The following VPS13B variants were observed in gnomAD, a reference collection of about 807,000 sequenced individuals.
VPS13B encodes vacuolar protein sorting 13 homolog B, also known as intermembrane lipid transfer protein VPS13B.
A neutral mutation model predicts 426.4 loss-of-function variants in VPS13B; 285 were observed. The observed-to-expected ratio is 0.67, with a 90% confidence interval of 0.61 to 0.74. VPS13B has a LOEUF of 0.74. Ranked by LOEUF, VPS13B falls within the 30% of genes least tolerant of loss-of-function variation. The probability of loss-of-function intolerance (pLI) is 0.00; values close to 1 mark genes in which losing one functional copy is unlikely to be tolerated. For synonymous variants in VPS13B, 1,676 were observed against 1,676.4 expected (o/e 1.00, Z 0.01); for missense variants, 4,537 against 4,782.6 (o/e 0.95, Z 1.51).
intron 3 of VPS13B, among the ~76,000 whole-genome samples, chr8:99,070,100 G>C (rs1390555832): frequency 6.6e-6 from 1 of 152,098 alleles, no homozygotes; most frequent in Non-Finnish European, 1.5e-5. Context: ...TTTTGGTAGA[G>C]ACTAATTCTC....
At chr8:99,480,983 A>T (rs762522777) in intron 24 of VPS13B, among the ~76,000 whole-genome samples, 26 of 152,140 alleles carry the variant, frequency 1.7e-4, no homozygotes, top group Non-Finnish European at 3.2e-4. Flanking sequence ...TTGTGTAAAT[A>T]TCTTAGGACT....
At chr8:99,184,731 CT>C (rs1322419084) in intron 16 of VPS13B, among the ~76,000 whole-genome samples, 4 of 152,176 alleles carry the variant, frequency 2.6e-5, no homozygotes, top group Admixed American at 2.6e-4. Flanking sequence ...TGGCTCACAC[CT>C]GTAATCCTAG....
At chr8:99,555,856 G>A (rs1824534336) in intron 30 of VPS13B, among the ~76,000 whole-genome samples, 1 of 152,100 alleles carries the variant, frequency 6.6e-6, no homozygotes, top group Non-Finnish European at 1.5e-5. Context: ...CAGAAACCTT[G>A]TCATTTCTCA....
chr8:99,451,295 T>G (rs1480784531), intron 23 of VPS13B, among the ~76,000 whole-genome samples: 1 of 152,182 alleles, frequency 6.6e-6, no homozygotes, highest in Non-Finnish European at 1.5e-5. Flanking sequence ...TCCAGCCTTT[T>G]TTTGTATTTC....
intron 42 of VPS13B, among the ~76,000 whole-genome samples, 172 bp from the exon 43 acceptor site, chr8:99,784,143 A>AT (rs1211656494): frequency 6.6e-6 from 1 of 152,204 alleles, no homozygotes; most frequent in Non-Finnish European, 1.5e-5. Flanking sequence ...TCTTAAAGGT[A>AT]TTTTTTATGT....
rs1820952374 is a variant in VPS13B, at chr8:99,497,183, TATAA to T, written c.3871-4500_3871-4497del. Among the ~76,000 whole-genome samples, 11 of 140,824 alleles carry T rather than the reference TATAA, an allele frequency of 7.8e-5. No individual in the cohort carries two copies. In the South Asian group the frequency reaches 2.3e-3, roughly 30 times the overall value. The allele number at this position is 140,824 out of a possible 152,430, so 92.4% of individuals were successfully genotyped here. On this transcript the variant is annotated intron_variant, in intron 25 of 61. Coordinates refer to ENST00000357162, the MANE Select transcript of VPS13B (RefSeq NM_152564.5). ...TAAAAATATATTTATATATTTAATA[TATAA>T]ATACATGTATTTATATATTTAATAT...
At chr8:99,620,681 C>T (rs956908428) in intron 33 of VPS13B, among the ~76,000 whole-genome samples, 3 of 151,904 alleles carry the variant, frequency 2.0e-5, no homozygotes, top group African/African-American at 4.8e-5. Flanking sequence ...ATAAGAAGTG[C>T]CATGTGTCAG....
At chr8:99,664,034 T>C (rs1415639775) in intron 35 of VPS13B, among the ~76,000 whole-genome samples, 1 of 145,494 alleles carries the variant, frequency 6.9e-6, no homozygotes, top group Non-Finnish European at 1.5e-5. Flanking sequence ...TGAGATGGAG[T>C]CTCATTCTAT....
rs552145011 is a variant in VPS13B at position 99,486,259 on chromosome 8, A to G, written c.3870+4457A>G. On this transcript the variant is annotated intron_variant, in intron 25 of 61. Coordinates refer to ENST00000357162, the MANE Select transcript of VPS13B (RefSeq NM_152564.5). Reference sequence around the variant, plus strand: ...GTTTGTTTTGGTTTTTTTTTTTACTATAGTTGTCCAGGCTGGAGTGCAGTG... The same window carrying G: ...GTTTGTTTTGGTTTTTTTTTTTACTGTAGTTGTCCAGGCTGGAGTGCAGTG... Among the ~76,000 whole-genome samples the G allele has an allele frequency of 2.0e-5, 3 of 151,382 alleles. No individual in the cohort carries two copies. The East Asian group carries it at 5.8e-4, about 29-fold the overall frequency.
At chr8:99,515,426 C>CCTCCTG (rs1563771235) in intron 29 of VPS13B, among the ~76,000 whole-genome samples, 2 of 151,044 alleles carry the variant, frequency 1.3e-5, no homozygotes, top group African/African-American at 4.8e-5. Context: ...TCCTCCTCCT[C>CCTCCTG]CTGCTGCTGC....
intron 3 of VPS13B, among the ~76,000 whole-genome samples, chr8:99,089,533 G>T (rs1846030812): frequency 6.6e-6 from 1 of 152,128 alleles, no homozygotes; most frequent in South Asian, 2.1e-4. Flanking sequence ...AACGTTAGGA[G>T]GAAGGGGCTT....
At chr8:99,687,701 T>C (rs1447319033) in intron 35 of VPS13B, among the ~76,000 whole-genome samples, 1 of 152,042 alleles carries the variant, frequency 6.6e-6, no homozygotes, top group East Asian at 1.9e-4. Flanking sequence ...CAGCCACCCT[T>C]GCGGAGATGG....
intron 24 of VPS13B, among the ~76,000 whole-genome samples, chr8:99,471,921 A>C (rs996541380): frequency 2.0e-5 from 3 of 152,186 alleles, no homozygotes; most frequent in African/African-American, 7.2e-5. Context: ...GTGGGAAGTA[A>C]AACAAGATGC....
At position 99,828,394 on chromosome 8, in the gene VPS13B, G is replaced by GTTTTTTTTTTTTTTTTTTTTTTTTT. The variant is rs555108452; in HGVS notation, c.9331-3959_9331-3935dup. On this transcript the variant is annotated intron_variant, in intron 51 of 61. Transcript: ENST00000357162. Reference sequence around the variant, plus strand: ...ATCAGAGACTAGGATTACAACCACCGTTTTTTTTTTTTTTTTTTTTTTTTT... The same window carrying GTTTTTTTTTTTTTTTTTTTTTTTTT: ...ATCAGAGACTAGGATTACAACCACCGTTTTTTTTTTTTTTTTTTTTTTTTTTTTTTTTTTTTTTTTTTTTTTTTTT... Among the ~76,000 whole-genome samples, 26 of 17,422 alleles carry GTTTTTTTTTTTTTTTTTTTTTTTTT rather than the reference G, an allele frequency of 1.5e-3. 5 individuals carry two copies. The highest frequency in any genetic ancestry group is 5.6e-3 in the East Asian group (3 of 534). 11.4% of individuals were successfully genotyped at this position (17,422 alleles called of 152,430 possible).
intron 17 of VPS13B, among the ~76,000 whole-genome samples, chr8:99,238,898 G>A (rs1338382210): frequency 6.6e-6 from 1 of 151,782 alleles, no homozygotes; most frequent in Non-Finnish European, 1.5e-5. Context: ...TCTTACAAGG[G>A]AAGGGAAAAA....
At chr8:99,185,869 T>C (rs1813193802) in intron 16 of VPS13B, among the ~76,000 whole-genome samples, 1 of 152,172 alleles carries the variant, frequency 6.6e-6, no homozygotes, top group Non-Finnish European at 1.5e-5. Context: ...CTCTCTGTTA[T>C]AGTTTGTCAA....
At chr8:99,144,718 G>A (rs1264956040) in intron 13 of VPS13B, among the ~76,000 whole-genome samples, 8 of 152,244 alleles carry the variant, frequency 5.3e-5, no homozygotes, top group Middle Eastern at 6.8e-3. Context: ...CCTACCCTGT[G>A]CCAGACATTC....
intron 17 of VPS13B, among the ~76,000 whole-genome samples, chr8:99,256,321 T>C (rs1324803827): frequency 6.6e-6 from 1 of 152,198 alleles, no homozygotes; most frequent in Non-Finnish European, 1.5e-5. Context: ...TTGGGTTGCT[T>C]CCATGTTCTA....
chr8:99,187,491 A>T (rs1025766574), intron 16 of VPS13B, among the ~76,000 whole-genome samples: 2 of 152,062 alleles, frequency 1.3e-5, no homozygotes, highest in Non-Finnish European at 2.9e-5. Flanking sequence ...TATTTACTGC[A>T]TATTTATTTT....
Sources: gnomAD v4.1 joint callset for allele counts (sites outside exome capture counted in the v4.1 genomes callset) on GRCh38, gnomAD v4.1.1 for gene constraint, MANE v1.5 for transcripts, NCBI Gene and HGNC (gene_info 2026-07-23, HGNC 2026-07-21) for gene names.